NUBPL: variants seen among roughly 807,000 people sequenced by gnomAD.
The protein encoded by NUBPL is iron-sulfur cluster transfer protein NUBPL.
A neutral mutation model predicts 45.7 loss-of-function variants in NUBPL; 31 were observed. That is an observed-to-expected ratio of 0.68 (90% CI 0.51 to 0.92). The LOEUF (loss-of-function observed/expected upper bound fraction) is 0.92, where lower values mean the gene tolerates loss of function less well. Ranked by LOEUF, NUBPL falls within the 40% of genes least tolerant of loss-of-function variation. The pLI, the probability that NUBPL is intolerant of heterozygous loss-of-function variation, is 0.00. For missense variants in NUBPL, 401 were observed against 398.7 expected (o/e 1.01, Z -0.05); for synonymous variants, 144 against 140.9 (o/e 1.02, Z -0.15).
chr14:31,751,134 T>G (rs1416592516), intron 6 of NUBPL, among the ~76,000 whole-genome samples: 2 of 152,186 alleles, frequency 1.3e-5, no homozygotes, highest in East Asian at 3.9e-4. Context: ...GGATTACAAT[T>G]CAAGATGAGA....
At chr14:31,618,963 G>A (rs1041449733) in intron 4 of NUBPL, among the ~76,000 whole-genome samples, 2 of 152,162 alleles carry the variant, frequency 1.3e-5, no homozygotes, top group African/African-American at 4.8e-5. Flanking sequence ...TTACGAATCT[G>A]GGTGCTCCTG....
intron 3 of NUBPL, among the ~76,000 whole-genome samples, chr14:31,582,485 C>G (rs570277452): frequency 3.3e-5 from 5 of 151,162 alleles, no homozygotes; most frequent in Admixed American, 1.3e-4. Flanking sequence ...GATCAGACCA[C>G]TCTTGTGGGG....
chr14:31,847,267 T>C (rs2040468280), intron 9 of NUBPL, among the ~76,000 whole-genome samples: 1 of 152,242 alleles, frequency 6.6e-6, no homozygotes. Context: ...GTTCCGTATG[T>C]TGTAAAAACC....
intron 10 of NUBPL, among the ~76,000 whole-genome samples, chr14:31,855,693 A>T (rs2040606273): frequency 6.6e-6 from 1 of 151,772 alleles, no homozygotes; most frequent in East Asian, 1.9e-4. Context: ...ATCATGATTT[A>T]GCTGTTAGGG....
At chr14:31,679,962 T>C (rs529076613) in intron 6 of NUBPL, among the ~76,000 whole-genome samples, 2 of 152,292 alleles carry the variant, frequency 1.3e-5, no homozygotes, top group East Asian at 3.9e-4. Context: ...TTGTTAGATA[T>C]ATCTTTTATG....
intron 6 of NUBPL, among the ~76,000 whole-genome samples, chr14:31,731,864 T>A (rs1389896456): frequency 6.6e-6 from 1 of 152,154 alleles, no homozygotes; most frequent in Non-Finnish European, 1.5e-5. Flanking sequence ...GGATGGAATT[T>A]GGAATTCTAG....
chr14:31,823,403 A>C (rs1189912137), intron 7 of NUBPL, among the ~76,000 whole-genome samples: 3 of 152,142 alleles, frequency 2.0e-5, no homozygotes, highest in Non-Finnish European at 4.4e-5. Context: ...TGTTTATATC[A>C]TATGAAAGCT....
chr14:31,641,850 A>T (rs1281004149), intron 4 of NUBPL, among the ~76,000 whole-genome samples: 1 of 151,996 alleles, frequency 6.6e-6, no homozygotes, highest in African/African-American at 2.4e-5. Context: ...CTGTTACCTC[A>T]TGTCCTTTTG....
At position 31,561,465 on chromosome 14, in the gene NUBPL, T is replaced by A. The variant is rs754678322; in HGVS notation, c.26T>A (p.Leu9His). The change falls in exon 1 of 11, where the codon CTT becomes CAT. Residue 9 changes from leucine (L) to histidine (H), a missense_variant. Leu to His is a moderately conservative substitution (Grantham distance 99). Coordinates refer to ENST00000281081, the MANE Select transcript of NUBPL (RefSeq NM_025152.3). MGIWQRLL[L>H]FGGVSLRAGG... ...ATGGGGATTTGGCAGCGTCTGCTGC[T>A]TTTTGGTGGGGTGTCGCTCCGGGCT... 1 of 1,419,364 alleles carries A rather than the reference T, an allele frequency of 7.0e-7. No homozygotes were observed. Among genetic ancestry groups the A allele is most frequent in the South Asian group, 1.7e-5 (1 of 59,206 alleles). 87.9% of individuals were successfully genotyped at this position (1,419,364 alleles called of 1,614,324 possible). A position where few individuals can be genotyped will look rare whatever the true frequency, so the allele number is the denominator to read the frequency against.
intron 6 of NUBPL, among the ~76,000 whole-genome samples, chr14:31,753,867 G>T (rs752178115): frequency 6.6e-6 from 1 of 151,952 alleles, no homozygotes; most frequent in African/African-American, 2.4e-5. Context: ...ATTTGTTTTC[G>T]CCTTCACACC....
At chr14:31,731,770 C>T (rs78276589) in intron 6 of NUBPL, among the ~76,000 whole-genome samples, 2 of 152,284 alleles carry the variant, frequency 1.3e-5, no homozygotes, top group African/African-American at 2.4e-5. Context: ...ATAACACAGC[C>T]TCCTTTTCTA....
chr14:31,725,517 TTA>T (rs2037900839), intron 6 of NUBPL, among the ~76,000 whole-genome samples: 2 of 152,180 alleles, frequency 1.3e-5, no homozygotes, highest in Admixed American at 6.5e-5. Context: ...TGAAATTTAC[TTA>T]TGTTTCATAT....
chr14:31,791,157 G>C (rs1275047136), intron 7 of NUBPL, among the ~76,000 whole-genome samples: 1 of 149,834 alleles, frequency 6.7e-6, no homozygotes, highest in Non-Finnish European at 1.5e-5. Context: ...GTGCACTTGT[G>C]GTCCCAGCTA....
chr14:31,771,157 A>T (rs1001488605), intron 6 of NUBPL, among the ~76,000 whole-genome samples: 1 of 151,006 alleles, frequency 6.6e-6, no homozygotes, highest in African/African-American at 2.4e-5. Flanking sequence ...GATTATTAAA[A>T]GCTAAAGTAT....
chr14:31,824,948 A>T (rs1195356493), intron 7 of NUBPL, among the ~76,000 whole-genome samples: 1 of 152,224 alleles, frequency 6.6e-6, no homozygotes, highest in Non-Finnish European at 1.5e-5. Context: ...AAATTAAAAA[A>T]AAATTCACGG....
chr14:31,765,239 A>C (rs1372206517), intron 6 of NUBPL, among the ~76,000 whole-genome samples: 1 of 152,320 alleles, frequency 6.6e-6, no homozygotes, highest in South Asian at 2.1e-4. Context: ...ACTTCGTTTT[A>C]ATCTTGAGAA....
At chr14:31,673,240 T>C (rs1008566822) in intron 4 of NUBPL, 115 bp from the exon 5 acceptor site, 1 of 769,254 alleles carries the variant, frequency 1.3e-6, no homozygotes. Context: ...CCCGTAAACA[T>C]ATGCAATTTT....
intron 7 of NUBPL, among the ~76,000 whole-genome samples, chr14:31,803,914 T>G (rs188791242): frequency 1.3e-5 from 2 of 152,276 alleles, no homozygotes; most frequent in African/African-American, 4.8e-5. Context: ...CTTTCTTTTC[T>G]TTTCCTCCTT....
intron 6 of NUBPL, among the ~76,000 whole-genome samples, chr14:31,775,736 G>A (rs1405512941): frequency 6.6e-6 from 1 of 152,144 alleles, no homozygotes; most frequent in Non-Finnish European, 1.5e-5. Flanking sequence ...GGCATCTCTG[G>A]AGTACCTTGG....
Sources: allele counts gnomAD v4.1 joint callset (sites outside exome capture counted in the v4.1 genomes callset), GRCh38; gene constraint gnomAD v4.1.1; transcripts MANE v1.5; gene names NCBI Gene and HGNC (gene_info 2026-07-23, HGNC 2026-07-21).